SUCLG2: variants seen among roughly 807,000 people sequenced by gnomAD.
SUCLG2 encodes the protein succinate--CoA ligase [GDP-forming] subunit beta, mitochondrial.
Under a neutral mutation model 47.9 loss-of-function variants are expected in SUCLG2, and 42 were observed. The ratio of observed to expected loss-of-function variants is 0.88; its 90% confidence interval spans 0.69 to 1.14. SUCLG2 has a LOEUF of 1.14. Ranked by LOEUF, SUCLG2 falls within the 50% of genes most tolerant of loss-of-function variation. The pLI is 0.00. For synonymous variants in SUCLG2, 195 were observed against 197.3 expected, an observed-to-expected ratio of 0.99 and a Z score of 0.10; for missense variants, 571 against 525.9, an observed-to-expected ratio of 1.09 and a Z score of -0.84.
rs757576142 is a variant in SUCLG2, at chr3:67,375,718, T to G, written c.*26A>C. The G allele has an allele frequency of 1.9e-5, 31 of 1,595,052 alleles. No homozygotes were observed. Among genetic ancestry groups the G allele is most frequent in the South Asian group, 5.8e-5 (5 of 86,916 alleles). On this transcript the variant is annotated 3_prime_UTR_variant, in exon 11 of 11. Transcript: ENST00000307227. ...CCTTTTTACGGAAAAATGGCTTTCT[T>G]TCTCCATTGGATCAGGACAAAGACA... is the stretch of plus-strand genomic sequence containing the variant.
At chr3:67,516,684 A>T (rs1399374081) in intron 6 of SUCLG2, among the ~76,000 whole-genome samples, 3 of 152,232 alleles carry the variant, frequency 2.0e-5, no homozygotes, top group Admixed American at 2.0e-4. Context: ...GCAACACAGC[A>T]GTGAGTAGGA....
intron 4 of SUCLG2, among the ~76,000 whole-genome samples, chr3:67,526,046 A>G (rs1269014124): frequency 1.3e-5 from 2 of 152,212 alleles, no homozygotes; most frequent in African/African-American, 4.8e-5. Flanking sequence ...ATTGTTTCAC[A>G]GTTCTGGAGG....
At chr3:67,615,181 A>G (rs962391071) in intron 1 of SUCLG2, among the ~76,000 whole-genome samples, 1 of 152,094 alleles carries the variant, frequency 6.6e-6, no homozygotes, top group African/African-American at 2.4e-5. Context: ...GAACCAGAAG[A>G]TAACAAGACA....
At chr3:67,589,985 T>C (rs575477927) in intron 2 of SUCLG2, among the ~76,000 whole-genome samples, 70 of 152,306 alleles carry the variant, frequency 4.6e-4, no homozygotes, top group African/African-American at 1.6e-3. Flanking sequence ...CAGCATTACC[T>C]TGATTTATAT....
chr3:67,597,378 T>C (rs1021999120), intron 2 of SUCLG2, among the ~76,000 whole-genome samples: 2 of 152,210 alleles, frequency 1.3e-5, no homozygotes, highest in Non-Finnish European at 2.9e-5. Flanking sequence ...TGGCAACTTT[T>C]AGCCTAGATG....
Position 67,539,657 on chromosome 3 carries a change from C to T in SUCLG2, c.227-10471G>A, listed in dbSNP as rs185419781. Reference sequence around the variant, plus strand: ...TGGTACCAGCTCCTCTTTGTACCTACGGCAGAAGTCAGCTGTGAATCCATC... The same window carrying T: ...TGGTACCAGCTCCTCTTTGTACCTATGGCAGAAGTCAGCTGTGAATCCATC... On this transcript the variant is annotated intron_variant, in intron 2 of 10. Coordinates refer to ENST00000307227, the MANE Select transcript of SUCLG2 (RefSeq NM_003848.4). Among the ~76,000 whole-genome samples, 678 of 152,198 alleles carry T rather than the reference C, an allele frequency of 4.5e-3. 8 individuals are homozygous for T. In the East Asian group the frequency reaches 0.053, roughly 12 times the overall value.
chr3:67,599,361 G>A (rs141564036), intron 2 of SUCLG2, among the ~76,000 whole-genome samples: 28 of 152,298 alleles, frequency 1.8e-4, no homozygotes, highest in African/African-American at 5.3e-4. Flanking sequence ...GACAATGAGC[G>A]AAAGGTAAAT....
At chr3:67,481,725 C>T (rs1704922042) in intron 9 of SUCLG2, among the ~76,000 whole-genome samples, 3 of 152,290 alleles carry the variant, frequency 2.0e-5, no homozygotes, top group African/African-American at 4.8e-5. Context: ...GAAAAGACTA[C>T]ATCTGTCATT....
chr3:67,589,168 T>A lies in SUCLG2; in HGVS notation c.226+20287A>T, dbSNP rs564957969. Among the ~76,000 whole-genome samples, 3 of 152,346 alleles carry A rather than the reference T, an allele frequency of 2.0e-5. No homozygotes were observed. The South Asian group carries it at 6.2e-4, about 32-fold the overall frequency. On this transcript the variant is annotated intron_variant, in intron 2 of 10. Coordinates refer to ENST00000307227, the MANE Select transcript of SUCLG2 (RefSeq NM_003848.4). ...TTCTTGCAGCTGTTGAGCATTCACA[T>A]CTTGCATCACAATGTCATTTCCACA...
intron 6 of SUCLG2, among the ~76,000 whole-genome samples, chr3:67,512,351 G>A (rs948508771): frequency 1.3e-5 from 2 of 150,970 alleles, no homozygotes; most frequent in African/African-American, 2.5e-5. Context: ...ACTTCATTGC[G>A]GAATATTTTT....
intron 9 of SUCLG2, among the ~76,000 whole-genome samples, chr3:67,404,588 C>T (rs1012414171): frequency 1.3e-5 from 2 of 152,070 alleles, no homozygotes; most frequent in African/African-American, 4.8e-5. Context: ...TACACCACAG[C>T]ACCCTAAGAG....
intron 2 of SUCLG2, among the ~76,000 whole-genome samples, chr3:67,582,242 GT>G (rs1398066163): frequency 1.3e-5 from 2 of 152,146 alleles, no homozygotes; most frequent in African/African-American, 4.8e-5. Context: ...CTGATAGGTA[GT>G]TTTCCAATCT....
intron 9 of SUCLG2, among the ~76,000 whole-genome samples, chr3:67,432,707 C>G (rs1371654165): frequency 2.6e-5 from 4 of 152,170 alleles, no homozygotes; most frequent in African/African-American, 9.7e-5. Flanking sequence ...CAGTTGTTAC[C>G]ATATGCCATC....
At chr3:67,502,665 C>T (rs1705529390) in intron 7 of SUCLG2, among the ~76,000 whole-genome samples, 2 of 152,166 alleles carry the variant, frequency 1.3e-5, no homozygotes, top group South Asian at 4.1e-4. Flanking sequence ...GCCCAGGCTA[C>T]AGAACTCTCC....
At chr3:67,431,580 C>G (rs900894867) in intron 9 of SUCLG2, among the ~76,000 whole-genome samples, 1 of 152,102 alleles carries the variant, frequency 6.6e-6, no homozygotes, top group African/African-American at 2.4e-5. Context: ...GAGTTCATGT[C>G]CTTTGTAGGG....
chr3:67,623,575 T>C (rs1240291325), intron 1 of SUCLG2, among the ~76,000 whole-genome samples: 2 of 152,096 alleles, frequency 1.3e-5, no homozygotes, highest in Non-Finnish European at 2.9e-5. Flanking sequence ...ATTCTTTAAA[T>C]TTTCAAAAAG....
intron 9 of SUCLG2, among the ~76,000 whole-genome samples, chr3:67,487,584 A>C (rs896711725): frequency 2.0e-5 from 3 of 151,268 alleles, no homozygotes; most frequent in Non-Finnish European, 3.0e-5. Flanking sequence ...AAAACTAGAC[A>C]AAAAAAAAGA....
chr3:67,577,785 G>A (rs1048957081), intron 2 of SUCLG2, among the ~76,000 whole-genome samples: 2 of 151,992 alleles, frequency 1.3e-5, no homozygotes, highest in Admixed American at 6.5e-5. Context: ...TACTGTAAAG[G>A]GGCATCCACA....
intron 2 of SUCLG2, among the ~76,000 whole-genome samples, chr3:67,553,888 A>G (rs1043131926): frequency 9.8e-5 from 15 of 152,354 alleles, no homozygotes; most frequent in Non-Finnish European, 5.9e-5. Flanking sequence ...CAGTAGAAAC[A>G]CATCAACTAA....
Sources: gnomAD v4.1 joint callset for allele counts (sites outside exome capture counted in the v4.1 genomes callset) on GRCh38, gnomAD v4.1.1 for gene constraint, MANE v1.5 for transcripts, NCBI Gene and HGNC (gene_info 2026-07-23, HGNC 2026-07-21) for gene names.